The following MGAT4C variants were observed in gnomAD, a reference collection of about 807,000 sequenced individuals.
The protein encoded by MGAT4C is alpha-1,3-mannosyl-glycoprotein 4-beta-N-acetylglucosaminyltransferase C.
In MGAT4C, 19 loss-of-function variants were observed where a neutral mutation model predicts 40.1. The ratio of observed to expected loss-of-function variants is 0.47; its 90% CI spans 0.33 to 0.70. MGAT4C has a LOEUF of 0.70. MGAT4C is among the 30% of genes least tolerant of loss of function. The pLI is 0.02. For missense variants in MGAT4C, 491 were observed against 563.2 expected, an observed-to-expected ratio of 0.87 and a Z score of 1.30; for synonymous variants, 181 against 187.1, an observed-to-expected ratio of 0.97 and a Z score of 0.27.
chr12:86,146,672 A>G (rs1371679273), intron 1 of MGAT4C, among the ~76,000 whole-genome samples: 2 of 151,864 alleles, frequency 1.3e-5, no homozygotes, highest in Non-Finnish European at 2.9e-5. Flanking sequence ...TTCTCTTCCC[A>G]TGAATTTTAT....
chr12:86,220,748 G>C (rs1219098307), intron 1 of MGAT4C, among the ~76,000 whole-genome samples: 1 of 152,144 alleles, frequency 6.6e-6, no homozygotes, highest in Non-Finnish European at 1.5e-5. Context: ...TCTGACAGTA[G>C]CATTATCACT....
At chr12:86,290,051 CTT>C (rs34809462) in intron 4 of MGAT4C, among the ~76,000 whole-genome samples, 7 of 145,954 alleles carry the variant, frequency 4.8e-5, no homozygotes, top group Admixed American at 1.4e-4. Context: ...ATCTAAATCA[CTT>C]TTTTTTTTTT....
chr12:86,800,412 T>C (rs1225319806), intron 1 of MGAT4C, among the ~76,000 whole-genome samples: 1 of 151,890 alleles, frequency 6.6e-6, no homozygotes, highest in Non-Finnish European at 1.5e-5. Flanking sequence ...GCTTGCCTTC[T>C]CCATCACTTT....
intron 1 of MGAT4C, among the ~76,000 whole-genome samples, chr12:86,153,084 C>T (rs1249731548): frequency 6.6e-6 from 1 of 152,144 alleles, no homozygotes; most frequent in Non-Finnish European, 1.5e-5. Flanking sequence ...ATTCTTTGTT[C>T]CTGAATGACT....
At chr12:86,777,755 C>T (rs1042685904) in intron 1 of MGAT4C, among the ~76,000 whole-genome samples, 2 of 152,146 alleles carry the variant, frequency 1.3e-5, no homozygotes, top group Admixed American at 1.3e-4. Flanking sequence ...TCCAGAAATT[C>T]TTTGAAGTAT....
chr12:86,348,847 C>T (rs779284812), intron 3 of MGAT4C, among the ~76,000 whole-genome samples: 1 of 152,010 alleles, frequency 6.6e-6, no homozygotes, highest in African/African-American at 2.4e-5. Context: ...TTTTAAAAAT[C>T]TTGTGACCAT....
At chr12:86,438,109 G>A (rs1264133298) in intron 2 of MGAT4C, among the ~76,000 whole-genome samples, 1 of 151,896 alleles carries the variant, frequency 6.6e-6, no homozygotes, top group Admixed American at 6.6e-5. Flanking sequence ...AAACAGTTAG[G>A]CAAGTTGTGA....
At chr12:86,521,418 C>T (rs1958792803) in intron 2 of MGAT4C, among the ~76,000 whole-genome samples, 1 of 151,998 alleles carries the variant, frequency 6.6e-6, no homozygotes, top group Non-Finnish European at 1.5e-5. Flanking sequence ...TATTCTGTTC[C>T]ATTGGTCTAT....
At chr12:86,504,114 C>T (rs113971356) in intron 2 of MGAT4C, among the ~76,000 whole-genome samples, 271 of 152,018 alleles carry the variant, frequency 1.8e-3, no homozygotes, top group Middle Eastern at 0.017. Context: ...ACACTACCTT[C>T]ATGAAGAGAT....
At chr12:86,337,007 C>T (rs1189234944) in intron 3 of MGAT4C, among the ~76,000 whole-genome samples, 1 of 152,116 alleles carries the variant, frequency 6.6e-6, no homozygotes. Flanking sequence ...CCTCTCTAAA[C>T]TTCAGCTTCT....
Position 86,338,039 on chromosome 12 carries a change from GACA to G in MGAT4C, c.-119-3915_-119-3913del, listed in dbSNP as rs576795940. 1.8e-4 allele frequency among the ~76,000 whole-genome samples: 28 copies of G among 152,268 alleles called. No homozygotes were observed. In the South Asian group the frequency reaches 5.8e-3, roughly 32 times the overall value. On this transcript the variant is annotated intron_variant, in intron 3 of 7. Transcript: ENST00000548651. ...ATGGGTTCACCTTGCCTGCAGCCTA[GACA>G]GAGCTGATTTACCAAGACAGGGGAA...
At chr12:86,782,472 C>T (rs571221937) in intron 1 of MGAT4C, among the ~76,000 whole-genome samples, 4 of 152,170 alleles carry the variant, frequency 2.6e-5, no homozygotes, top group Admixed American at 1.3e-4. Flanking sequence ...TGAGCCACCG[C>T]GCCCAGACCT....
At chr12:86,533,389 T>G (rs910034657) in intron 2 of MGAT4C, among the ~76,000 whole-genome samples, 1 of 152,002 alleles carries the variant, frequency 6.6e-6, no homozygotes, top group Non-Finnish European at 1.5e-5. Context: ...AAGGAGTCAC[T>G]TGGATTGTTC....
At chr12:86,209,366 A>T (rs1243260689) in intron 1 of MGAT4C, among the ~76,000 whole-genome samples, 1 of 152,122 alleles carries the variant, frequency 6.6e-6, no homozygotes, top group Non-Finnish European at 1.5e-5. Context: ...CATAAGTAAT[A>T]CCTTCAAAGC....
At chr12:86,114,154 T>G (rs1433645735) in intron 1 of MGAT4C, among the ~76,000 whole-genome samples, 1 of 151,938 alleles carries the variant, frequency 6.6e-6, no homozygotes, top group Non-Finnish European at 1.5e-5. Flanking sequence ...CCCTGATGAT[T>G]GATTTTTGTG....
At chr12:86,603,354 G>T (rs1961859291) in intron 2 of MGAT4C, among the ~76,000 whole-genome samples, 1 of 129,768 alleles carries the variant, frequency 7.7e-6, no homozygotes, top group South Asian at 2.3e-4. Context: ...TAATTATATA[G>T]TATAGTATAT....
In MGAT4C at chr12:85,957,666, A is replaced by AAAAAAAAAAG. The variant is rs1882876143; in HGVS notation, c.*21622_*21623insCTTTTTTTTT. On this transcript the variant is annotated 3_prime_UTR_variant, in exon 5 of 5. Transcript: ENST00000611864. ...GAGTTGAATAAGAAAGCAAAAAAAAAAAAAAAAGAAAAAAGAAAAAAAAAA... is the reference window on the plus strand; with the variant it reads ...GAGTTGAATAAGAAAGCAAAAAAAAAAAAAAAAAAGAAAAAAAGAAAAAAGAAAAAAAAAA... 6.7e-6 allele frequency: 1 copy of AAAAAAAAAAG among 149,754 alleles called. No individual in the cohort carries two copies. The allele number at this position is 149,754 out of a possible 1,614,324, so 9.3% of individuals were successfully genotyped here. A position where few individuals can be genotyped will look rare whatever the true frequency, so the allele number is the denominator to read the frequency against.
At chr12:86,734,808 G>A (rs1252364110) in intron 1 of MGAT4C, among the ~76,000 whole-genome samples, 1 of 152,070 alleles carries the variant, frequency 6.6e-6, no homozygotes, top group Non-Finnish European at 1.5e-5. Flanking sequence ...ACAGTAGCCT[G>A]AACTGATGGG....
intron 4 of MGAT4C, among the ~76,000 whole-genome samples, chr12:86,306,568 A>G (rs1342487360): frequency 1.3e-5 from 2 of 150,394 alleles, no homozygotes; most frequent in South Asian, 4.2e-4. Flanking sequence ...GTATGAAGGT[A>G]TGAAGGTTTT....
Sources: allele counts gnomAD v4.1 joint callset (sites outside exome capture counted in the v4.1 genomes callset), GRCh38; gene constraint gnomAD v4.1.1; transcripts MANE v1.5; gene names NCBI Gene and HGNC (gene_info 2026-07-23, HGNC 2026-07-21).